ONECUT2: variants seen among roughly 807,000 people sequenced by gnomAD.
ONECUT2 encodes the protein one cut homeobox 2, also known as one cut domain family member 2.
ONECUT2 carries 10 observed loss-of-function variants against 27.9 expected under a neutral mutation model. The observed-to-expected ratio is 0.36, with a 90% CI of 0.22 to 0.61. The LOEUF (loss-of-function observed/expected upper bound fraction) is 0.61, where lower values mean the gene tolerates loss of function less well. ONECUT2 is among the 20% of genes least tolerant of loss of function. The pLI, the probability that ONECUT2 is intolerant of heterozygous loss-of-function variation, is 0.73. For synonymous variants in ONECUT2, 334 were observed against 315.1 expected, an observed-to-expected ratio of 1.06 and a Z score of -0.64; for missense variants, 686 against 721.0, an observed-to-expected ratio of 0.95 and a Z score of 0.56.
At chr18:57,447,366 C>T (rs2050205757) in intron 1 of ONECUT2, among the ~76,000 whole-genome samples, 1 of 152,252 alleles carries the variant, frequency 6.6e-6, no homozygotes, top group Non-Finnish European at 1.5e-5. Context: ...AGGCAAGAGC[C>T]TGACCAGTAT....
intron 1 of ONECUT2, among the ~76,000 whole-genome samples, chr18:57,460,489 T>C (rs1195976594): frequency 1.3e-5 from 2 of 152,098 alleles, no homozygotes; most frequent in Admixed American, 1.3e-4. Flanking sequence ...CGTCATACTA[T>C]TTAAATTATT....
At chr18:57,440,973 C>CT (rs2050171061) in intron 1 of ONECUT2, among the ~76,000 whole-genome samples, 1 of 152,214 alleles carries the variant, frequency 6.6e-6, no homozygotes, top group Admixed American at 6.5e-5. Context: ...TCGCTGCAGT[C>CT]TGTGCTTCGT....
At chr18:57,444,880 T>G in intron 1 of ONECUT2, among the ~76,000 whole-genome samples, 1 of 150,054 alleles carries the variant, frequency 6.7e-6, no homozygotes, top group African/African-American at 2.5e-5. Flanking sequence ...GGAAGGGGGG[T>G]GGGAAGAGAG....
chr18:57,452,344 A>G (rs1367998396), intron 1 of ONECUT2, among the ~76,000 whole-genome samples: 2 of 152,202 alleles, frequency 1.3e-5, no homozygotes, highest in Admixed American at 6.5e-5. Flanking sequence ...CCAGAATCCC[A>G]CTGCTCTAGT....
chr18:57,467,801 G>C (rs988621744), intron 1 of ONECUT2, among the ~76,000 whole-genome samples: 1 of 152,048 alleles, frequency 6.6e-6, no homozygotes, highest in African/African-American at 2.4e-5. Flanking sequence ...AAGCCTTCCC[G>C]GACTCCGGGC....
chr18:57,435,622 G>GC lies in ONECUT2; in HGVS notation c.-90dup. ...CTCCTCTCCACTCACTCCCGCGCCC[G>GC]CCCCCACTCCCGCAGCCGAGCCCCG... On this transcript the variant is annotated 5_prime_UTR_variant, in exon 1 of 2. Transcript: ENST00000491143. The GC allele has an allele frequency of 1.1e-6, 1 of 948,068 alleles. No homozygotes were observed. Among genetic ancestry groups the GC allele is most frequent in the Non-Finnish European group, 1.2e-6 (1 of 801,114 alleles). The allele number at this position is 948,068 out of a possible 1,614,324, so 58.7% of individuals were successfully genotyped here. A position where few individuals can be genotyped will look rare whatever the true frequency, so the allele number is the denominator to read the frequency against.
chr18:57,442,313 G>A (rs576726819), intron 1 of ONECUT2, among the ~76,000 whole-genome samples: 23 of 151,434 alleles, frequency 1.5e-4, no homozygotes, highest in African/African-American at 5.6e-4. Context: ...CCAACAGCGG[G>A]TATCAATCGG....
chr18:57,483,443 TG>T lies in ONECUT2; in HGVS notation c.*6723del, dbSNP rs1192858296. 2 of 152,620 alleles carry T rather than the reference TG, an allele frequency of 1.3e-5. No homozygotes were observed. Among genetic ancestry groups the T allele is most frequent in the Non-Finnish European group, 2.9e-5 (2 of 68,046 alleles). The allele number at this position is 152,620 out of a possible 1,614,324, so 9.5% of individuals were successfully genotyped here. On this transcript the variant is annotated 3_prime_UTR_variant, in exon 2 of 2. Transcript: ENST00000491143. ...CAGAATGCTTTTTATCTTGTCTCTT[TG>T]GGTTATGACCCAACAAGCTAAGTAC...
chr18:57,442,550 A>G (rs1268451816), intron 1 of ONECUT2, among the ~76,000 whole-genome samples: 2 of 152,192 alleles, frequency 1.3e-5, no homozygotes, highest in African/African-American at 2.4e-5. Context: ...CTTTTAAACT[A>G]CAATGAGATA....
At chr18:57,464,570 A>G (rs4060162) in intron 1 of ONECUT2, among the ~76,000 whole-genome samples, 78,788 of 152,088 alleles carry the variant, frequency 0.52, 23,050 homozygotes, top group Non-Finnish European at 0.67. Context: ...GTGGTAAACT[A>G]TGCAAGACAG....
chr18:57,483,577 T>C lies in ONECUT2; in HGVS notation c.*6854T>C, dbSNP rs1027920213. Reference sequence around the variant, plus strand: ...AGTTTGATTCTACTCCTTGTACTTATTTATCAAAACCTAGACCAATGGTGC... The same window carrying C: ...AGTTTGATTCTACTCCTTGTACTTACTTATCAAAACCTAGACCAATGGTGC... On this transcript the variant is annotated 3_prime_UTR_variant, in exon 2 of 2. Transcript: ENST00000491143. 2.3e-4 allele frequency: 35 copies of C among 152,596 alleles called. No homozygotes were observed. Among genetic ancestry groups the C allele is most frequent in the African/African-American group, 7.0e-4 (29 of 41,442 alleles). The allele number at this position is 152,596 out of a possible 1,614,324, so 9.5% of individuals were successfully genotyped here.
In ONECUT2 at chr18:57,435,767, C is replaced by T. The variant is rs2050135225; in HGVS notation, c.51C>T (p.Gly17=). The part of the protein sequence containing the change: ...AYRCLTKDLE[G]CAMNPELTME... ...GATGCCTCACCAAAGACCTAGAAGG[C>T]TGCGCCATGAACCCGGAGCTGACAA... The change falls in exon 1 of 2, where the codon GGC becomes GGT. Residue 17 remains glycine, a synonymous_variant. Transcript: ENST00000491143. 2 of 1,268,858 alleles carry T rather than the reference C, an allele frequency of 1.6e-6. No homozygotes were observed. The highest frequency in any genetic ancestry group is 2.6e-4 in the Middle Eastern group (1 of 3,816). 78.6% of individuals were successfully genotyped at this position (1,268,858 alleles called of 1,614,324 possible).
At position 57,476,814 on chromosome 18, in the gene ONECUT2, C is replaced by A; in HGVS notation, c.*91C>A. The A allele has an allele frequency of 7.2e-7, 1 of 1,384,528 alleles. No homozygotes were observed. The highest frequency in any genetic ancestry group is 9.8e-7 in the Non-Finnish European group (1 of 1,025,148). 85.8% of individuals were successfully genotyped at this position (1,384,528 alleles called of 1,614,324 possible). A position where few individuals can be genotyped will look rare whatever the true frequency, so the allele number is the denominator to read the frequency against. ...AAGGAAAAAGACACCGGATTCCTAG[C>A]TGGGGCCCTTCACTGGTGATTTGAA... On this transcript the variant is annotated 3_prime_UTR_variant, in exon 2 of 2. Coordinates refer to ENST00000491143, the MANE Select transcript of ONECUT2 (RefSeq NM_004852.3).
intron 1 of ONECUT2, among the ~76,000 whole-genome samples, 162 bp downstream of exon 1, chr18:57,437,106 C>T (rs1229354386): frequency 6.6e-6 from 1 of 152,176 alleles, no homozygotes; most frequent in African/African-American, 2.4e-5. Context: ...TCCATTTTCT[C>T]TTTCTCTTCC....
intron 1 of ONECUT2, among the ~76,000 whole-genome samples, chr18:57,463,990 CAAA>C (rs78117626): frequency 2.6e-5 from 3 of 116,596 alleles, no homozygotes; most frequent in African/African-American, 6.3e-5. Context: ...GTTACAAAAC[CAAA>C]AAAAAAAAAA....
rs2050384804 is a variant in ONECUT2 at position 57,476,726 on chromosome 18, G to T, written c.*3G>T. ...CCAGCACGTGTACCAAAGCATGATG[G>T]AAGGACTCTCACTTGGGCACAAGTC... On this transcript the variant is annotated 3_prime_UTR_variant, in exon 2 of 2. Coordinates refer to ENST00000491143, the MANE Select transcript of ONECUT2 (RefSeq NM_004852.3). The T allele has an allele frequency of 6.2e-7, 1 of 1,613,424 alleles. No homozygotes were observed. Among genetic ancestry groups the T allele is most frequent in the African/African-American group, 1.3e-5 (1 of 75,028 alleles).
chr18:57,471,269 A>G (rs2050351869), intron 1 of ONECUT2, among the ~76,000 whole-genome samples: 1 of 152,176 alleles, frequency 6.6e-6, no homozygotes, highest in African/African-American at 2.4e-5. Context: ...TGGGTGTCAG[A>G]GGGCAGCTGA....
rs1568126730 is a variant in ONECUT2 at position 57,481,412 on chromosome 18, T to A, written c.*4689T>A. 1 of 152,182 alleles carries A rather than the reference T, an allele frequency of 6.6e-6. No individual in the cohort carries two copies. Among genetic ancestry groups the A allele is most frequent in the Non-Finnish European group, 1.5e-5 (1 of 68,018 alleles). 9.4% of individuals were successfully genotyped at this position (152,182 alleles called of 1,614,324 possible). A position where few individuals can be genotyped will look rare whatever the true frequency, so the allele number is the denominator to read the frequency against. On this transcript the variant is annotated 3_prime_UTR_variant, in exon 2 of 2. Coordinates refer to ENST00000491143, the MANE Select transcript of ONECUT2 (RefSeq NM_004852.3). ...ATTTTCAATTCAAGCTAAAATAAAA[T>A]CAACATTTGGAATGTAAATCTGATA...
chr18:57,482,907 G>A lies in ONECUT2; in HGVS notation c.*6184G>A, dbSNP rs2050422332. On this transcript the variant is annotated 3_prime_UTR_variant, in exon 2 of 2. Transcript: ENST00000491143. ...GTAACATTGAAAACCACAGTGCAGG[G>A]AAAACAAAAGTATCCCAGCATCTTC... The A allele has an allele frequency of 6.6e-6, 1 of 152,526 alleles. No homozygotes were observed. The highest frequency in any genetic ancestry group is 1.5e-5 in the Non-Finnish European group (1 of 68,014). The allele number at this position is 152,526 out of a possible 1,614,324, so 9.4% of individuals were successfully genotyped here.
Sources: gnomAD v4.1 joint callset for allele counts (sites outside exome capture counted in the v4.1 genomes callset) on GRCh38, gnomAD v4.1.1 for gene constraint, MANE v1.5 for transcripts, NCBI Gene and HGNC (gene_info 2026-07-23, HGNC 2026-07-21) for gene names.